MALRD1: variants seen among roughly 807,000 people sequenced by gnomAD.
The protein encoded by MALRD1 is MAM and LDL receptor class A domain containing 1, also known as MAM and LDL-receptor class A domain-containing protein 1.
Under a neutral mutation model 242.1 loss-of-function variants are expected in MALRD1, and 247 were observed. The observed-to-expected ratio is 1.02, with a 90% CI of 0.92 to 1.13. MALRD1 has a LOEUF of 1.13. MALRD1 is among the 50% of genes most tolerant of loss of function. The pLI is 0.00. For missense variants in MALRD1, 2,989 were observed against 2,533.1 expected, an observed-to-expected ratio of 1.18 and a Z score of -3.86; for synonymous variants, 995 against 866.6, an observed-to-expected ratio of 1.15 and a Z score of -2.60.
chr10:19,350,246 G>A (rs1029463713), intron 25 of MALRD1, among the ~76,000 whole-genome samples: 1 of 149,726 alleles, frequency 6.7e-6, no homozygotes, highest in Non-Finnish European at 1.5e-5. Flanking sequence ...GAAGAGATGA[G>A]ACCTTAATGA....
In MALRD1 at chr10:19,337,790, C is replaced by T. The variant is rs537613327; in HGVS notation, c.3901+6208C>T. Among the ~76,000 whole-genome samples, 34 of 151,992 alleles carry T rather than the reference C, an allele frequency of 2.2e-4. No individual in the cohort carries two copies. In the South Asian group the frequency reaches 6.7e-3, roughly 30 times the overall value. On this transcript the variant is annotated intron_variant, in intron 24 of 39. Coordinates refer to ENST00000454679, the MANE Select transcript of MALRD1 (RefSeq NM_001142308.3). Reference sequence around the variant, plus strand: ...AGAAAGTACAGTTATCAACTGGGTGCGGTGGTTCACGACTGTAATCCCAGC... The same window carrying T: ...AGAAAGTACAGTTATCAACTGGGTGTGGTGGTTCACGACTGTAATCCCAGC...
At chr10:19,244,814 T>A (rs1250376772) in intron 18 of MALRD1, among the ~76,000 whole-genome samples, 1 of 152,196 alleles carries the variant, frequency 6.6e-6, no homozygotes, top group African/African-American at 2.4e-5. Context: ...AAATATAGAC[T>A]AATTCTGTAT....
intron 38 of MALRD1, among the ~76,000 whole-genome samples, chr10:19,694,520 G>A (rs564647945): frequency 6.6e-6 from 1 of 152,304 alleles, no homozygotes; most frequent in East Asian, 1.9e-4. Flanking sequence ...AAACCAGAAT[G>A]AGATATCATC....
chr10:19,206,570 G>A (rs967982206), intron 17 of MALRD1, among the ~76,000 whole-genome samples: 1 of 152,136 alleles, frequency 6.6e-6, no homozygotes, highest in Non-Finnish European at 1.5e-5. Flanking sequence ...GTGATAATGC[G>A]AGTACAACTA....
At position 19,087,731 on chromosome 10, in the gene MALRD1, T is replaced by C. The variant is rs11814065; in HGVS notation, c.341-109T>C. 2.3e-4 allele frequency: 109 copies of C among 464,854 alleles called. 1 individual carries two copies. Among genetic ancestry groups the C allele is most frequent in the African/African-American group, 2.1e-3 (103 of 49,834 alleles). The allele number at this position is 464,854 out of a possible 1,614,324, so 28.8% of individuals were successfully genotyped here. A position where few individuals can be genotyped will look rare whatever the true frequency, so the allele number is the denominator to read the frequency against. ...TCACGCTCTTTTAGTTATTTTTGAA[T>C]GTACAGTGAAATTATTATTGACTAT... On this transcript the variant is annotated intron_variant, in intron 2 of 39. Transcript: ENST00000454679.
At chr10:19,152,626 G>A (rs1428490434) in intron 11 of MALRD1, among the ~76,000 whole-genome samples, 3 of 151,844 alleles carry the variant, frequency 2.0e-5, no homozygotes, top group Non-Finnish European at 2.9e-5. Context: ...TTATGTATCT[G>A]GAAACTTACT....
chr10:19,664,681 G>A (rs1841598021), intron 36 of MALRD1, among the ~76,000 whole-genome samples: 1 of 151,398 alleles, frequency 6.6e-6, no homozygotes, highest in African/African-American at 2.4e-5. Context: ...TTTCTATATT[G>A]AAAAAATGTG....
At chr10:19,341,028 A>G (rs1564576548) in intron 24 of MALRD1, among the ~76,000 whole-genome samples, 1 of 151,800 alleles carries the variant, frequency 6.6e-6, no homozygotes, top group Non-Finnish European at 1.5e-5. Flanking sequence ...CTAGTATTGC[A>G]CTCTTTAGTT....
chr10:19,475,633 C>T (rs1266267193), intron 29 of MALRD1, among the ~76,000 whole-genome samples: 2 of 152,088 alleles, frequency 1.3e-5, no homozygotes, highest in Non-Finnish European at 2.9e-5. Context: ...TAAATCTAAG[C>T]AAGTTCAATG....
intron 18 of MALRD1, among the ~76,000 whole-genome samples, chr10:19,214,413 A>C (rs1436755321): frequency 6.6e-6 from 1 of 152,222 alleles, no homozygotes; most frequent in Non-Finnish European, 1.5e-5. Context: ...GAGAAAGTCT[A>C]GTTCTTGTTA....
chr10:19,222,985 G>A (rs551564833), intron 18 of MALRD1, among the ~76,000 whole-genome samples: 16 of 152,220 alleles, frequency 1.1e-4, no homozygotes, highest in African/African-American at 3.9e-4. Context: ...CTATCTGTGA[G>A]AGCAAAGCGA....
chr10:19,578,406 C>T (rs901566168), intron 33 of MALRD1, among the ~76,000 whole-genome samples: 3 of 152,020 alleles, frequency 2.0e-5, no homozygotes, highest in Non-Finnish European at 4.4e-5. Context: ...GAGAAATAAC[C>T]AGCTTCCAGG....
intron 19 of MALRD1, among the ~76,000 whole-genome samples, chr10:19,263,376 A>G (rs1839837773): frequency 6.6e-6 from 1 of 152,068 alleles, no homozygotes. Flanking sequence ...TTTGATTTGC[A>G]TTTTCCTGAT....
chr10:19,546,870 G>A (rs1447503942), intron 32 of MALRD1, among the ~76,000 whole-genome samples: 1 of 152,164 alleles, frequency 6.6e-6, no homozygotes, highest in Non-Finnish European at 1.5e-5. Context: ...ATAGGTAAGT[G>A]TGTGTTTTCA....
At chr10:19,162,495 A>G (rs991660784) in intron 12 of MALRD1, among the ~76,000 whole-genome samples, 5 of 152,184 alleles carry the variant, frequency 3.3e-5, no homozygotes, top group Admixed American at 2.0e-4. Flanking sequence ...TGCTACTGGC[A>G]TGTACCAGGT....
intron 8 of MALRD1, among the ~76,000 whole-genome samples, chr10:19,130,983 A>G (rs896122242): frequency 1.3e-5 from 2 of 152,186 alleles, no homozygotes; most frequent in African/African-American, 4.8e-5. Flanking sequence ...TGTATTAACC[A>G]GAACCAAATG....
chr10:19,388,912 A>G (rs1293888069), intron 27 of MALRD1, among the ~76,000 whole-genome samples: 1 of 150,540 alleles, frequency 6.6e-6, no homozygotes, highest in Admixed American at 6.6e-5. Flanking sequence ...AAAACTGACC[A>G]AGGCAGGGAA....
intron 36 of MALRD1, among the ~76,000 whole-genome samples, chr10:19,652,824 A>G (rs1840957500): frequency 6.6e-6 from 1 of 152,232 alleles, no homozygotes; most frequent in African/African-American, 2.4e-5. Context: ...TCAAGATCAT[A>G]TAGCTTGTAA....
chr10:19,565,727 C>T (rs1315308580), intron 32 of MALRD1, among the ~76,000 whole-genome samples: 1 of 152,082 alleles, frequency 6.6e-6, no homozygotes, highest in African/African-American at 2.4e-5. Flanking sequence ...ATCCAAATTC[C>T]CTTCTGATTG....
Sources: gnomAD v4.1 joint callset for allele counts (sites outside exome capture counted in the v4.1 genomes callset) on GRCh38, gnomAD v4.1.1 for gene constraint, MANE v1.5 for transcripts, NCBI Gene and HGNC (gene_info 2026-07-23, HGNC 2026-07-21) for gene names.